Variants in CACNG2 observed in about 807,000 individuals in gnomAD.
CACNG2 encodes calcium voltage-gated channel auxiliary subunit gamma 2.
CACNG2 carries 3 observed loss-of-function variants against 25.9 expected under a neutral mutation model. The observed-to-expected ratio is 0.12, with a 90% CI of 0.05 to 0.30. The LOEUF (loss-of-function observed/expected upper bound fraction) is 0.30. CACNG2 is among the 10% of genes least tolerant of loss of function. The pLI is 1.00. For missense variants in CACNG2, 341 were observed against 432.5 expected (o/e 0.79, Z 1.88); for synonymous variants, 167 against 173.3 (o/e 0.96, Z 0.29).
At position 36,612,197 on chromosome 22, in the gene CACNG2, G is replaced by A. The variant is rs75498595; in HGVS notation, c.212-24649C>T. ...GCTGCCACTTACTAGCCATGACCTC[G>A]GGTAAGACATGTCACCTCTTAGTGC... On this transcript the variant is annotated intron_variant, in intron 1 of 3. Transcript: ENST00000300105. Among the ~76,000 whole-genome samples the A allele has an allele frequency of 9.3e-3, 1,423 of 152,246 alleles. 29 individuals are homozygous for A. The highest frequency in any genetic ancestry group is 0.033 in the African/African-American group (1,358 of 41,536).
chr22:36,645,308 C>T (rs930222999), intron 1 of CACNG2, among the ~76,000 whole-genome samples: 1 of 151,994 alleles, frequency 6.6e-6, no homozygotes, highest in Non-Finnish European at 1.5e-5. Flanking sequence ...GAGGCTGAGA[C>T]GGGCGGATCA....
intron 1 of CACNG2, among the ~76,000 whole-genome samples, chr22:36,618,438 C>A (rs577434783): frequency 6.6e-6 from 1 of 152,240 alleles, no homozygotes; most frequent in Admixed American, 6.5e-5. Context: ...GCCTAAGCGC[C>A]GGCTCTACCT....
At chr22:36,612,546 C>T (rs951657991) in intron 1 of CACNG2, among the ~76,000 whole-genome samples, 15 of 152,288 alleles carry the variant, frequency 9.8e-5, no homozygotes, top group African/African-American at 3.1e-4. Flanking sequence ...CATAGTTTAT[C>T]GTCCCTGGAA....
intron 1 of CACNG2, among the ~76,000 whole-genome samples, chr22:36,630,740 T>C (rs1053884021): frequency 5.9e-5 from 9 of 152,140 alleles, no homozygotes; most frequent in Non-Finnish European, 1.2e-4. Context: ...AGCAGAGAGA[T>C]GAAATGAATT....
chr22:36,598,132 G>A (rs1935703430), intron 1 of CACNG2, among the ~76,000 whole-genome samples: 1 of 152,160 alleles, frequency 6.6e-6, no homozygotes, highest in African/African-American at 2.4e-5. Flanking sequence ...TTGATGGTGA[G>A]CCTTTTAATT....
At chr22:36,665,019 G>A (rs1936855756) in intron 1 of CACNG2, among the ~76,000 whole-genome samples, 1 of 152,186 alleles carries the variant, frequency 6.6e-6, no homozygotes, top group Admixed American at 6.5e-5. Context: ...CTGCTAGAAG[G>A]ACCTCAGGAT....
intron 1 of CACNG2, among the ~76,000 whole-genome samples, chr22:36,655,627 A>G (rs979798275): frequency 6.6e-6 from 1 of 152,206 alleles, no homozygotes; most frequent in Admixed American, 6.5e-5. Context: ...AAATGAGGCT[A>G]TCAATGGGTG....
intron 1 of CACNG2, among the ~76,000 whole-genome samples, chr22:36,692,707 C>A (rs773022083): frequency 2.0e-5 from 3 of 152,218 alleles, no homozygotes; most frequent in Non-Finnish European, 2.9e-5. Flanking sequence ...AGCTCCCAAG[C>A]ACTTTCTTAG....
At position 36,566,488 on chromosome 22, in the gene CACNG2, C is replaced by T. The variant is rs528716833; in HGVS notation, c.301G>A (p.Val101Met). 33 of 1,614,070 alleles carry T rather than the reference C, an allele frequency of 2.0e-5. No individual in the cohort carries two copies. The highest frequency in any genetic ancestry group is 1.8e-4 in the South Asian group (16 of 91,090). The change falls in exon 3 of 4, where the codon GTG (valine) becomes ATG (methionine). Residue 101 changes from valine (V) to methionine (M), a missense_variant. Around this residue, in one of 2 missense-constraint regions of CACNG2, gnomAD observed 169 missense variants for 254.4 expected, o/e 0.66. Transcript: ENST00000300105. ...ATTGGGAAAATGCTGGAGGCCCTCA[C>T]GGCCCCTGTGGAACACAGAGGGTCA... Reference protein sequence around the residue: ...ADTAEYFLRAVRASSIFPILS... With the variant: ...ADTAEYFLRAMRASSIFPILS...
intron 1 of CACNG2, among the ~76,000 whole-genome samples, chr22:36,643,474 G>GTCTGTCTGTCTATCTA (rs561518849): frequency 3.4e-4 from 51 of 149,246 alleles, no homozygotes; most frequent in East Asian, 1.2e-3. Context: ...CTATCTGTCT[G>GTCTGTCTGTCTATCTA]TCTATCTATC....
chr22:36,703,366 G>C lies in CACNG2; in HGVS notation c.-790C>G, dbSNP rs1937438444. ...AGTGTTGGCGAAGTGGGGGAGAGAG[G>C]GGGTTTCTCCTGGAGAATCGAGGCG... On this transcript the variant is annotated 5_prime_UTR_variant, in exon 1 of 4. Transcript: ENST00000300105. 2 of 153,102 alleles carry C rather than the reference G, an allele frequency of 1.3e-5. No homozygotes were observed. The highest frequency in any genetic ancestry group is 3.5e-4 in the South Asian group (2 of 5,646). The allele number at this position is 153,102 out of a possible 1,614,324, so 9.5% of individuals were successfully genotyped here. A position where few individuals can be genotyped will look rare whatever the true frequency, so the allele number is the denominator to read the frequency against.
chr22:36,591,751 G>A (rs1017032948), intron 1 of CACNG2, among the ~76,000 whole-genome samples: 7 of 152,060 alleles, frequency 4.6e-5, no homozygotes, highest in African/African-American at 1.7e-4. Context: ...CAATACAGGT[G>A]CACTGTGCAA....
intron 3 of CACNG2, 59 bp downstream of exon 3, chr22:36,566,294 C>G (rs1569014443): frequency 6.4e-7 from 1 of 1,570,310 alleles, no homozygotes. Flanking sequence ...CCTCGTGGCC[C>G]CTGAGCACCC....
chr22:36,572,230 C>T (rs555501940), intron 2 of CACNG2, among the ~76,000 whole-genome samples: 1 of 152,286 alleles, frequency 6.6e-6, no homozygotes, highest in South Asian at 2.1e-4. Flanking sequence ...TCATACCAGC[C>T]CCATGAAGCC....
intron 1 of CACNG2, among the ~76,000 whole-genome samples, chr22:36,640,594 C>T (rs968253389): frequency 4.6e-5 from 7 of 152,294 alleles, no homozygotes; most frequent in South Asian, 2.1e-4. Flanking sequence ...ACCTGCAGGA[C>T]GGGAACCATA....
chr22:36,680,115 C>G (rs1256762432), intron 1 of CACNG2, among the ~76,000 whole-genome samples: 1 of 152,108 alleles, frequency 6.6e-6, no homozygotes, highest in Non-Finnish European at 1.5e-5. Flanking sequence ...CCACCTGCAT[C>G]ATGGCTATAA....
In CACNG2 at chr22:36,685,578, G is replaced by A. The variant is rs924578361; in HGVS notation, c.211+16788C>T. ...TGGTAACCCTGGTGTCAGGCACCTC[G>A]GCTGCCGAGGCCCATCGGGAAGCCC... On this transcript the variant is annotated intron_variant, in intron 1 of 3. Coordinates refer to ENST00000300105, the MANE Select transcript of CACNG2 (RefSeq NM_006078.5). 3.5e-4 allele frequency among the ~76,000 whole-genome samples: 53 copies of A among 152,228 alleles called. 1 individual carries two copies. Among genetic ancestry groups the A allele is most frequent in the African/African-American group, 1.3e-3 (52 of 41,552 alleles).
At chr22:36,577,334 T>G (rs1248381492) in intron 2 of CACNG2, among the ~76,000 whole-genome samples, 1 of 152,066 alleles carries the variant, frequency 6.6e-6, no homozygotes, top group Non-Finnish European at 1.5e-5. Context: ...GAAATCGGTG[T>G]AGTGGTAGCA....
intron 2 of CACNG2, among the ~76,000 whole-genome samples, chr22:36,586,487 G>A (rs1291450948): frequency 6.6e-6 from 1 of 152,184 alleles, no homozygotes; most frequent in Non-Finnish European, 1.5e-5. Flanking sequence ...TACATTCCAC[G>A]GGCTTTTCAA....
Sources: allele counts gnomAD v4.1 joint callset (sites outside exome capture counted in the v4.1 genomes callset), GRCh38; gene constraint gnomAD v4.1.1; regional missense constraint gnomAD v4.1.1; transcripts MANE v1.5; gene names NCBI Gene and HGNC (gene_info 2026-07-23, HGNC 2026-07-21).